CUX1: variants seen among roughly 807,000 people sequenced by gnomAD.
CUX1 encodes cut like homeobox 1, also known as protein CASP.
In CUX1, 31 loss-of-function variants were observed where a neutral mutation model predicts 158.8. That is an observed-to-expected ratio of 0.20 (90% CI 0.15 to 0.26). The LOEUF (loss-of-function observed/expected upper bound fraction) is 0.26, where lower values mean the gene tolerates loss of function less well. CUX1 is among the 10% of genes least tolerant of loss of function. CUX1 has a pLI of 1.00. For synonymous variants in CUX1, 879 were observed against 862.1 expected, an observed-to-expected ratio of 1.02 and a Z score of -0.34; for missense variants, 1,589 against 2,014.6, an observed-to-expected ratio of 0.79 and a Z score of 4.04.
chr7:102,139,318 G>C (rs1294794667), intron 8 of CUX1, among the ~76,000 whole-genome samples: 1 of 151,672 alleles, frequency 6.6e-6, no homozygotes, highest in Admixed American at 6.6e-5. Flanking sequence ...TAAAACCTGG[G>C]AAGTGCCCTA....
Position 102,103,019 on chromosome 7 carries a change from C to T in CUX1, c.407-1317C>T, listed in dbSNP as rs531519694. 2.6e-5 allele frequency among the ~76,000 whole-genome samples: 4 copies of T among 152,318 alleles called. No homozygotes were observed. In the East Asian group the frequency reaches 7.7e-4, roughly 29 times the overall value. On this transcript the variant is annotated intron_variant, in intron 5 of 23. Transcript: ENST00000292535. Reference sequence around the variant, plus strand: ...TCATCAAATCCGCTTTGATATTCCCCATTTGGGCAGTTGAGGTGATGTCTG... The same window carrying T: ...TCATCAAATCCGCTTTGATATTCCCTATTTGGGCAGTTGAGGTGATGTCTG...
intron 4 of CUX1, among the ~76,000 whole-genome samples, chr7:102,073,391 T>C (rs957826658): frequency 2.6e-5 from 4 of 152,064 alleles, no homozygotes; most frequent in Non-Finnish European, 5.9e-5. Context: ...CAGGCTGGTC[T>C]CAAACTCCTG....
At chr7:102,220,285 C>T (rs1586292640) in intron 20 of CUX1, among the ~76,000 whole-genome samples, 2 of 152,160 alleles carry the variant, frequency 1.3e-5, no homozygotes, top group Admixed American at 6.6e-5. Flanking sequence ...TGCTTGAAAC[C>T]GGGAGGCGGA....
At chr7:102,212,564 G>A (rs1554523452) in intron 20 of CUX1, among the ~76,000 whole-genome samples, 1 of 152,086 alleles carries the variant, frequency 6.6e-6, no homozygotes, top group Non-Finnish European at 1.5e-5. Context: ...GAAGTAAAAT[G>A]CACCATAGTT....
chr7:101,971,672 CA>C lies in CUX1; in HGVS notation c.141+55451del, dbSNP rs374287669. ...ATGTGACTTACGCTGTCCACAAGCT[CA>C]AAACAAAGCATGTGTTGAGGGAAAG... On this transcript the variant is annotated intron_variant, in intron 2 of 23. Coordinates refer to ENST00000292535, the MANE Select transcript of CUX1 (RefSeq NM_181552.4). 6.1e-3 allele frequency among the ~76,000 whole-genome samples: 921 copies of C among 152,172 alleles called. 7 individuals carry two copies. The highest frequency in any genetic ancestry group is 0.021 in the African/African-American group (868 of 41,518).
intron 9 of CUX1, among the ~76,000 whole-genome samples, chr7:102,169,288 C>G (rs879984173): frequency 6.6e-6 from 1 of 152,086 alleles, no homozygotes; most frequent in Admixed American, 6.5e-5. Context: ...AGGCTGGTCT[C>G]GAACCCCTGA....
At chr7:101,857,271 C>T (rs1316250362) in intron 1 of CUX1, among the ~76,000 whole-genome samples, 1 of 152,240 alleles carries the variant, frequency 6.6e-6, no homozygotes, top group South Asian at 2.1e-4. Flanking sequence ...TGTCACAGGC[C>T]TAGCATTCAA....
chr7:101,863,354 T>G (rs1288255888), intron 1 of CUX1, among the ~76,000 whole-genome samples: 2 of 149,570 alleles, frequency 1.3e-5, no homozygotes, highest in South Asian at 4.2e-4. Flanking sequence ...TTTTTTTTTT[T>G]CTTCTTTTTT....
intron 2 of CUX1, among the ~76,000 whole-genome samples, chr7:101,941,634 C>A (rs769622842): frequency 6.6e-6 from 1 of 152,178 alleles, no homozygotes; most frequent in Non-Finnish European, 1.5e-5. Flanking sequence ...GAGACTGGAT[C>A]CCTCTCTTCC....
At chr7:102,226,898 A>G (rs1333141829) in intron 20 of CUX1, among the ~76,000 whole-genome samples, 1 of 152,098 alleles carries the variant, frequency 6.6e-6, no homozygotes, top group Non-Finnish European at 1.5e-5. Context: ...ATTTCCTCCT[A>G]AGGGTCTTCC....
Position 102,249,575 on chromosome 7 carries a change from GA to G in CUX1, c.*541del, listed in dbSNP as rs1313718196. On this transcript the variant is annotated 3_prime_UTR_variant, in exon 24 of 24. Coordinates refer to ENST00000292535, the MANE Select transcript of CUX1 (RefSeq NM_181552.4). ...CTCCTGTTCCGTGTGGGCTTTAAAA[GA>G]AAAAAAATCAAACCCACATATTAAA... 1.7e-5 allele frequency: 17 copies of G among 984,114 alleles called. No homozygotes were observed. The highest frequency in any genetic ancestry group is 3.5e-5 in the African/African-American group (2 of 56,794). The allele number at this position is 984,114 out of a possible 1,614,324, so 61.0% of individuals were successfully genotyped here.
At chr7:101,917,114 C>T (rs931517487) in intron 2 of CUX1, among the ~76,000 whole-genome samples, 13 of 152,318 alleles carry the variant, frequency 8.5e-5, no homozygotes, top group African/African-American at 2.6e-4. Context: ...GAATCTTCTC[C>T]GTATCGTAGC....
At chr7:102,034,767 A>AAG (rs386410848) in intron 3 of CUX1, among the ~76,000 whole-genome samples, 9 of 148,668 alleles carry the variant, frequency 6.1e-5, no homozygotes, top group African/African-American at 2.0e-4. Context: ...AAAAAAAAAA[A>AAG]ATACAAAAAC....
upstream of CUX1, chr7:101,816,181 C>G (rs2130848621): frequency 1.8e-6 from 1 of 562,860 alleles, no homozygotes; most frequent in South Asian, 7.4e-5. Context: ...GCTGGCCCAG[C>G]CGCCGGGGGG....
At chr7:101,921,568 G>T (rs1319067991) in intron 2 of CUX1, among the ~76,000 whole-genome samples, 1 of 152,014 alleles carries the variant, frequency 6.6e-6, no homozygotes, top group Non-Finnish European at 1.5e-5. Flanking sequence ...TCAAGTGATT[G>T]TCTTGCCTTA....
At chr7:102,022,613 C>A (rs1280595567) in intron 2 of CUX1, among the ~76,000 whole-genome samples, 22 of 134,976 alleles carry the variant, frequency 1.6e-4, no homozygotes, top group South Asian at 2.3e-4. Flanking sequence ...GACACTGTCT[C>A]AAAAAAAAAA....
rs545218210 is a variant in CUX1, at chr7:102,142,602, G to A, written c.675-15958G>A. On this transcript the variant is annotated intron_variant, in intron 8 of 23. Transcript: ENST00000292535. ...ATAGTACCACTGCACTCCAGCCTGGGCAACAGAGCAAGACCCTGTCTCTAC... is the reference window on the plus strand; with the variant it reads ...ATAGTACCACTGCACTCCAGCCTGGACAACAGAGCAAGACCCTGTCTCTAC... Among the ~76,000 whole-genome samples the A allele has an allele frequency of 4.6e-5, 7 of 151,928 alleles. No homozygotes were observed. The East Asian group carries it at 1.4e-3, about 29-fold the overall frequency.
In CUX1 at chr7:102,249,125, G is replaced by A. The variant is rs560164117; in HGVS notation, c.*83G>A. 14 of 1,175,594 alleles carry A rather than the reference G, an allele frequency of 1.2e-5. No homozygotes were observed. Among genetic ancestry groups the A allele is most frequent in the Non-Finnish European group, 1.5e-5 (14 of 950,618 alleles). The allele number at this position is 1,175,594 out of a possible 1,614,324, so 72.8% of individuals were successfully genotyped here. A position where few individuals can be genotyped will look rare whatever the true frequency, so the allele number is the denominator to read the frequency against. On this transcript the variant is annotated 3_prime_UTR_variant, in exon 24 of 24. Coordinates refer to ENST00000292535, the MANE Select transcript of CUX1 (RefSeq NM_181552.4). ...GGACGGGGCAGGCGCTGCGGACACC[G>A]TGGCCTGGGCTTGGCCCGCGGCCTG...
At chr7:101,816,401 CCCCGCGCCGCCGCCGCCG>C (rs1791785354), upstream of CUX1, among the ~76,000 whole-genome samples, 3 of 143,428 alleles carry the variant, frequency 2.1e-5, no homozygotes, top group Non-Finnish European at 3.1e-5. Context: ...CCCCCCCGGG[CCCCGCGCCGCCGCCGCCG>C]CCAGCGCCGC....
Sources: allele counts gnomAD v4.1 joint callset (sites outside exome capture counted in the v4.1 genomes callset), GRCh38; gene constraint gnomAD v4.1.1; transcripts MANE v1.5; gene names NCBI Gene and HGNC (gene_info 2026-07-23, HGNC 2026-07-21).